The following EIF2S1 variants were observed in gnomAD, a reference collection of about 807,000 sequenced individuals.
EIF2S1 encodes the protein eukaryotic translation initiation factor 2 subunit alpha, also known as eukaryotic translation initiation factor 2 subunit 1.
EIF2S1 carries 5 observed loss-of-function variants against 33.5 expected under a neutral mutation model. That is an observed-to-expected ratio of 0.15 (90% CI 0.08 to 0.31). The LOEUF (loss-of-function observed/expected upper bound fraction) is 0.31, where lower values mean the gene tolerates loss of function less well. Among genes scored for constraint, EIF2S1 ranks in the 10% least tolerant of loss-of-function variants. The pLI is 1.00. For missense variants in EIF2S1, 191 were observed against 384.6 expected (o/e 0.50, Z 4.21); for synonymous variants, 99 against 127.5 (o/e 0.78, Z 1.51).
chr14:67,361,293 C>T (rs566373017), intron 1 of EIF2S1, among the ~76,000 whole-genome samples: 1 of 152,240 alleles, frequency 6.6e-6, no homozygotes, highest in African/African-American at 2.4e-5. Flanking sequence ...AGTTGTTATT[C>T]AAGGAACAAT....
At chr14:67,372,076 G>A (rs2085825871) in intron 2 of EIF2S1, among the ~76,000 whole-genome samples, 1 of 151,852 alleles carries the variant, frequency 6.6e-6, no homozygotes, top group Non-Finnish European at 1.5e-5. Flanking sequence ...ACCAGCCTGG[G>A]CAACATAGCA....
At chr14:67,383,082 G>C (rs1007772643) in intron 7 of EIF2S1, among the ~76,000 whole-genome samples, 1 of 152,052 alleles carries the variant, frequency 6.6e-6, no homozygotes, top group African/African-American at 2.4e-5. Flanking sequence ...AAAAATGACA[G>C]AAAATAATTT....
intron 1 of EIF2S1, among the ~76,000 whole-genome samples, chr14:67,361,512 C>T (rs2085740646): frequency 6.6e-6 from 1 of 152,208 alleles, no homozygotes; most frequent in South Asian, 2.1e-4. Context: ...ATTCCTAATA[C>T]GTGTTAGATC....
At chr14:67,366,295 G>T (rs573220999) in intron 2 of EIF2S1, among the ~76,000 whole-genome samples, 2 of 152,214 alleles carry the variant, frequency 1.3e-5, no homozygotes, top group South Asian at 4.1e-4. Flanking sequence ...GGCTAGTCTT[G>T]AACTGGGCTC....
intron 3 of EIF2S1, among the ~76,000 whole-genome samples, chr14:67,375,410 G>T (rs1412421052): frequency 6.6e-6 from 1 of 152,062 alleles, no homozygotes; most frequent in African/African-American, 2.4e-5. Flanking sequence ...GCGTAAGCCA[G>T]TGTGCCCAGC....
chr14:67,362,032 C>CTT (rs1233736237), intron 1 of EIF2S1, among the ~76,000 whole-genome samples: 2 of 91,420 alleles, frequency 2.2e-5, no homozygotes, highest in Admixed American at 1.1e-4. Flanking sequence ...TTTCTTTTTT[C>CTT]TTTTTTTTTT....
intron 2 of EIF2S1, among the ~76,000 whole-genome samples, chr14:67,369,183 A>C (rs939009973): frequency 6.6e-6 from 1 of 152,252 alleles, no homozygotes; most frequent in African/African-American, 2.4e-5. Flanking sequence ...GGATATAAAA[A>C]GATATGCTAT....
chr14:67,363,832 A>G (rs1357503366), intron 1 of EIF2S1, among the ~76,000 whole-genome samples: 1 of 152,164 alleles, frequency 6.6e-6, no homozygotes, highest in African/African-American at 2.4e-5. Flanking sequence ...TTCTGTTACT[A>G]CCTACGTTTT....
In EIF2S1 at chr14:67,382,607, C is replaced by A. The variant is rs140127317; in HGVS notation, c.822+17C>A. ...CAAATGGAGGTGAGATCAATAGATT[C>A]ATTTTTAATAATGACTCAGGAGGTT... On this transcript the variant is annotated intron_variant, in intron 7 of 7. Transcript: ENST00000256383. 1.1e-5 allele frequency: 17 copies of A among 1,613,454 alleles called. No individual in the cohort carries two copies. In the South Asian group the frequency reaches 1.8e-4, roughly 17 times the overall value.
rs2139828562 is a variant in EIF2S1 at position 67,386,406 on chromosome 14, T to A, written c.*2966T>A. On this transcript the variant is annotated 3_prime_UTR_variant, in exon 8 of 8. Coordinates refer to ENST00000256383, the MANE Select transcript of EIF2S1 (RefSeq NM_004094.5). The stretch of plus-strand genomic sequence containing the variant: ...CCTTAAATGTAAGTTATGTATTTTA[T>A]CTGTTGATTAAGGGGAGGTCCAAGC... The A allele has an allele frequency of 6.6e-6, 1 of 152,338 alleles. No homozygotes were observed. Among genetic ancestry groups the A allele is most frequent in the Non-Finnish European group, 1.5e-5 (1 of 68,014 alleles). 9.4% of individuals were successfully genotyped at this position (152,338 alleles called of 1,614,324 possible). A position where few individuals can be genotyped will look rare whatever the true frequency, so the allele number is the denominator to read the frequency against.
At chr14:67,382,718 A>G (rs899932851) in intron 7 of EIF2S1, 128 bp downstream of exon 7, 5 of 1,086,950 alleles carry the variant, frequency 4.6e-6, no homozygotes, top group Admixed American at 3.6e-5. Flanking sequence ...TTTGATCACT[A>G]ATGGTGTTAG....
At chr14:67,362,183 C>G (rs1308222503) in intron 1 of EIF2S1, among the ~76,000 whole-genome samples, 1 of 151,812 alleles carries the variant, frequency 6.6e-6, no homozygotes, top group Non-Finnish European at 1.5e-5. Flanking sequence ...CCACACCCAG[C>G]TAATTTTGGT....
chr14:67,367,789 T>C (rs2085789812), intron 2 of EIF2S1, among the ~76,000 whole-genome samples: 1 of 151,524 alleles, frequency 6.6e-6, no homozygotes, highest in African/African-American at 2.4e-5. Context: ...TGAGCCAAGA[T>C]TGCACCGCTG....
Position 67,384,805 on chromosome 14 carries a change from C to T in EIF2S1, c.*1365C>T, listed in dbSNP as rs1261560996. ...CTGAGAGAGTGCCATGATTGCTAGC[C>T]AGCATTCCATATTGGGAATATGTAG... is the stretch of plus-strand genomic sequence containing the variant. On this transcript the variant is annotated 3_prime_UTR_variant, in exon 8 of 8. Coordinates refer to ENST00000256383, the MANE Select transcript of EIF2S1 (RefSeq NM_004094.5). 6.6e-6 allele frequency: 1 copy of T among 152,110 alleles called. No individual in the cohort carries two copies. The highest frequency in any genetic ancestry group is 1.5e-5 in the Non-Finnish European group (1 of 68,030). The allele number at this position is 152,110 out of a possible 1,614,324, so 9.4% of individuals were successfully genotyped here.
At chr14:67,376,695 A>G (rs2085859136) in intron 4 of EIF2S1, 105 bp downstream of exon 4, 1 of 1,299,578 alleles carries the variant, frequency 7.7e-7, no homozygotes, top group Non-Finnish European at 1.1e-6. Context: ...AATTTAGATT[A>G]AAATATTTTG....
rs987640079 is a variant in EIF2S1, at chr14:67,364,477, G to A, written c.-1-290G>A. 8 of 289,304 alleles carry A rather than the reference G, an allele frequency of 2.8e-5. No homozygotes were observed. The East Asian group carries it at 3.3e-4, about 12-fold the overall frequency. 17.9% of individuals were successfully genotyped at this position (289,304 alleles called of 1,614,324 possible). ...CTTGAGGTATTCCTTTAATCCTTAG[G>A]TCTTGGAGTACTTTATAGATGGTCA... On this transcript the variant is annotated intron_variant, in intron 1 of 7. Coordinates refer to ENST00000256383, the MANE Select transcript of EIF2S1 (RefSeq NM_004094.5).
At chr14:67,370,449 G>T (rs1477394274) in intron 2 of EIF2S1, among the ~76,000 whole-genome samples, 1 of 152,106 alleles carries the variant, frequency 6.6e-6, no homozygotes, top group African/African-American at 2.4e-5. Flanking sequence ...TTAAAAAAGA[G>T]CAAAATTGAT....
chr14:67,361,759 A>C (rs3759755), intron 1 of EIF2S1, among the ~76,000 whole-genome samples: 23,665 of 152,200 alleles, frequency 0.16, 3,488 homozygotes, highest in East Asian at 0.42. Context: ...TAAGAGTATT[A>C]TAGCATGTTG....
At chr14:67,368,260 A>G (rs1403450903) in intron 2 of EIF2S1, among the ~76,000 whole-genome samples, 1 of 152,186 alleles carries the variant, frequency 6.6e-6, no homozygotes, top group Admixed American at 6.5e-5. Context: ...CTTGGGGCAT[A>G]AAGACTGCCC....
Sources: gnomAD v4.1 joint callset for allele counts (sites outside exome capture counted in the v4.1 genomes callset) on GRCh38, gnomAD v4.1.1 for gene constraint, MANE v1.5 for transcripts, NCBI Gene and HGNC (gene_info 2026-07-23, HGNC 2026-07-21) for gene names.